The following JAKMIP2 variants were observed in gnomAD, a reference collection of about 807,000 sequenced individuals.
JAKMIP2 encodes janus kinase and microtubule interacting protein 2.
A neutral mutation model predicts 115.0 loss-of-function variants in JAKMIP2; 25 were observed. The observed-to-expected ratio is 0.22, with a 90% CI of 0.16 to 0.30. JAKMIP2 has a LOEUF of 0.30. JAKMIP2 is among the 10% of genes least tolerant of loss of function. The probability of loss-of-function intolerance (pLI) is 1.00; values close to 1 mark genes in which losing one functional copy is unlikely to be tolerated. For synonymous variants in JAKMIP2, 334 were observed against 343.6 expected (o/e 0.97, Z 0.31); for missense variants, 642 against 957.6 (o/e 0.67, Z 4.35).
At chr5:147,735,111 T>A (rs1753872104) in intron 1 of JAKMIP2, among the ~76,000 whole-genome samples, 2 of 152,132 alleles carry the variant, frequency 1.3e-5, no homozygotes, top group Admixed American at 1.3e-4. Flanking sequence ...GTGTCTCTAT[T>A]TCTATTTGTT....
chr5:147,706,603 G>C (rs1368782347), intron 1 of JAKMIP2, among the ~76,000 whole-genome samples: 1 of 152,126 alleles, frequency 6.6e-6, no homozygotes, highest in Non-Finnish European at 1.5e-5. Context: ...AGTAGCACTA[G>C]AAATCTTTGT....
At chr5:147,742,155 A>ATATATATATATATTTATATATATTTTT in intron 1 of JAKMIP2, among the ~76,000 whole-genome samples, 1 of 108,884 alleles carries the variant, frequency 9.2e-6, no homozygotes, top group Non-Finnish European at 1.9e-5. Context: ...ATATATATAT[A>ATATATATATATATTTATATATATTTTT]TTTTTTTTAC....
At chr5:147,659,736 G>A (rs79911562) in intron 3 of JAKMIP2, among the ~76,000 whole-genome samples, 2 of 152,306 alleles carry the variant, frequency 1.3e-5, no homozygotes, top group Non-Finnish European at 2.9e-5. Flanking sequence ...ACCAAAGGCA[G>A]GGCAGAGACC....
intron 1 of JAKMIP2, among the ~76,000 whole-genome samples, chr5:147,719,540 G>C (rs1209578270): frequency 6.6e-6 from 1 of 151,926 alleles, no homozygotes; most frequent in Non-Finnish European, 1.5e-5. Flanking sequence ...TCCTGTGTTG[G>C]GTGCATATAT....
In JAKMIP2 at chr5:147,679,646, G is replaced by C. The variant is rs889236678; in HGVS notation, c.-148-7692C>G. The stretch of plus-strand genomic sequence containing the variant: ...TGCCAGGCAATGGCATTAACTCATT[G>C]AACTATTCCAATTAAACTTTGCAGA... On this transcript the variant is annotated intron_variant, in intron 1 of 21. Transcript: ENST00000616793. Among the ~76,000 whole-genome samples, 5 of 152,310 alleles carry C rather than the reference G, an allele frequency of 3.3e-5. No individual in the cohort carries two copies. The East Asian group carries it at 9.7e-4, about 29-fold the overall frequency.
chr5:147,628,656 T>G, intron 16 of JAKMIP2, 95 bp downstream of exon 16: 1 of 871,836 alleles, frequency 1.1e-6, no homozygotes, highest in South Asian at 1.5e-5. Flanking sequence ...TCACACACAG[T>G]CATGTGCAGA....
chr5:147,629,770 T>C, intron 14 of JAKMIP2, 24 bp from the exon 15 acceptor site: 1 of 1,604,192 alleles, frequency 6.2e-7, no homozygotes, highest in African/African-American at 1.3e-5. Flanking sequence ...CAGAAACTCA[T>C]GTCAAAGACA....
intron 1 of JAKMIP2, among the ~76,000 whole-genome samples, chr5:147,678,791 G>A (rs1050614712): frequency 2.0e-5 from 3 of 151,426 alleles, no homozygotes; most frequent in Non-Finnish European, 4.4e-5. Flanking sequence ...CTTCATTTAT[G>A]TATATACCTA....
chr5:147,682,326 G>A, intron 1 of JAKMIP2, among the ~76,000 whole-genome samples: 1 of 152,184 alleles, frequency 6.6e-6, no homozygotes, highest in East Asian at 1.9e-4. Context: ...CAAAGTTATG[G>A]ACTTCATCCA....
chr5:147,719,987 C>T (rs956998128), intron 1 of JAKMIP2, among the ~76,000 whole-genome samples: 19 of 151,882 alleles, frequency 1.3e-4, no homozygotes, highest in African/African-American at 2.4e-4. Context: ...CGGCTGGTAC[C>T]GGTTGTTCCT....
chr5:147,674,737 AT>A (rs1246949983), intron 1 of JAKMIP2, among the ~76,000 whole-genome samples: 2 of 152,250 alleles, frequency 1.3e-5, no homozygotes, highest in African/African-American at 4.8e-5. Flanking sequence ...TAACTGAAAG[AT>A]TAGATAACTT....
At chr5:147,703,487 A>G (rs1444716068) in intron 1 of JAKMIP2, among the ~76,000 whole-genome samples, 1 of 152,148 alleles carries the variant, frequency 6.6e-6, no homozygotes, top group African/African-American at 2.4e-5. Context: ...GTGAAGACCT[A>G]GTCATCACTG....
chr5:147,654,064 G>T (rs1758543256), intron 3 of JAKMIP2, among the ~76,000 whole-genome samples: 1 of 152,008 alleles, frequency 6.6e-6, no homozygotes. Context: ...TGTTCCATTG[G>T]TCTATATATC....
At chr5:147,671,581 T>C in intron 2 of JAKMIP2, 97 bp downstream of exon 2, 1 of 1,075,772 alleles carries the variant, frequency 9.3e-7, no homozygotes, top group Non-Finnish European at 1.2e-6. Context: ...AGGGCAGGAG[T>C]CCACTGGGGT....
At chr5:147,618,559 A>G (rs754891615) in intron 18 of JAKMIP2, among the ~76,000 whole-genome samples, 1 of 152,126 alleles carries the variant, frequency 6.6e-6, no homozygotes, top group Non-Finnish European at 1.5e-5. Context: ...CAATGTGGTG[A>G]AACCCCATTT....
In JAKMIP2 at chr5:147,740,800, G is replaced by A. The variant is rs533498575; in HGVS notation, c.-149+41656C>T. ...AAATGATAGCGTGGGTGGGGGAAAG[G>A]GTCTTATTTTCATTACTGCAATCCA... On this transcript the variant is annotated intron_variant, in intron 1 of 21. Coordinates refer to ENST00000616793, the MANE Select transcript of JAKMIP2 (RefSeq NM_001270941.2). 2.6e-5 allele frequency among the ~76,000 whole-genome samples: 4 copies of A among 152,240 alleles called. No homozygotes were observed. In the East Asian group the frequency reaches 7.7e-4, roughly 29 times the overall value.
intron 19 of JAKMIP2, among the ~76,000 whole-genome samples, chr5:147,616,513 T>C (rs1251257793): frequency 1.3e-5 from 2 of 152,176 alleles, no homozygotes; most frequent in Non-Finnish European, 2.9e-5. Flanking sequence ...TAACTATGAG[T>C]CCATCTTAAA....
chr5:147,777,645 A>G (rs575505215), intron 1 of JAKMIP2, among the ~76,000 whole-genome samples: 4 of 152,352 alleles, frequency 2.6e-5, no homozygotes, highest in Admixed American at 2.6e-4. Context: ...AACTTTAAGC[A>G]ACAAAATTTA....
At chr5:147,643,087 C>T (rs9325047) in intron 7 of JAKMIP2, among the ~76,000 whole-genome samples, 33 of 151,678 alleles carry the variant, frequency 2.2e-4, no homozygotes, top group African/African-American at 6.8e-4. Flanking sequence ...CCTCACCTTG[C>T]GATCGTGTGT....
Sources: allele counts gnomAD v4.1 joint callset (sites outside exome capture counted in the v4.1 genomes callset), GRCh38; gene constraint gnomAD v4.1.1; transcripts MANE v1.5; gene names NCBI Gene and HGNC (gene_info 2026-07-23, HGNC 2026-07-21).